Variants in THRB observed in about 807,000 individuals in gnomAD.
The protein encoded by THRB is nuclear receptor subfamily 1 group A member 2.
Under a neutral mutation model 47.8 loss-of-function variants are expected in THRB, and 12 were observed. The ratio of observed to expected loss-of-function variants is 0.25; its 90% CI spans 0.16 to 0.41. The LOEUF (loss-of-function observed/expected upper bound fraction) is 0.41. Among genes scored for constraint, THRB ranks in the 10% least tolerant of loss-of-function variants. THRB has a pLI of 1.00. For synonymous variants in THRB, 218 were observed against 212.2 expected (o/e 1.03, Z -0.24); for missense variants, 348 against 589.2 (o/e 0.59, Z 4.24).
At chr3:24,181,950 C>T (rs1156294578) in intron 5 of THRB, among the ~76,000 whole-genome samples, 5 of 152,052 alleles carry the variant, frequency 3.3e-5, no homozygotes, top group Non-Finnish European at 2.9e-5. Flanking sequence ...GCCTGTAATC[C>T]CAGCACTTTG....
intron 5 of THRB, among the ~76,000 whole-genome samples, chr3:24,180,380 G>A (rs1183165788): frequency 6.6e-6 from 1 of 152,178 alleles, no homozygotes; most frequent in Non-Finnish European, 1.5e-5. Context: ...AATGCCAAGT[G>A]TCTTTATCAT....
intron 2 of THRB, among the ~76,000 whole-genome samples, chr3:24,332,585 G>C (rs1399927635): frequency 3.3e-5 from 5 of 152,066 alleles, no homozygotes; most frequent in Non-Finnish European, 1.5e-5. Context: ...CACTGTGACA[G>C]TGAATTCTTT....
intron 4 of THRB, among the ~76,000 whole-genome samples, chr3:24,224,316 A>G (rs973475216): frequency 2.0e-5 from 3 of 152,240 alleles, no homozygotes; most frequent in South Asian, 2.1e-4. Flanking sequence ...ATCAGGGACT[A>G]TATCACCATA....
chr3:24,224,174 T>G (rs571522239), intron 4 of THRB, among the ~76,000 whole-genome samples: 8 of 150,516 alleles, frequency 5.3e-5, no homozygotes, highest in South Asian at 4.1e-4. Context: ...GTAGAGTTTA[T>G]CCAGAGGGAA....
intron 1 of THRB, among the ~76,000 whole-genome samples, chr3:24,462,638 G>A (rs1179854528): frequency 6.6e-6 from 1 of 152,202 alleles, no homozygotes; most frequent in Non-Finnish European, 1.5e-5. Context: ...TTGGCTCTGT[G>A]TATAAAATGA....
intron 5 of THRB, among the ~76,000 whole-genome samples, chr3:24,174,137 G>A (rs950686133): frequency 7.2e-5 from 11 of 152,078 alleles, no homozygotes; most frequent in African/African-American, 2.4e-4. Context: ...TGTCATCTAC[G>A]TGTTAAGCCG....
chr3:24,403,757 A>C (rs2150107589), intron 1 of THRB, among the ~76,000 whole-genome samples: 1 of 152,126 alleles, frequency 6.6e-6, no homozygotes, highest in South Asian at 2.1e-4. Flanking sequence ...CGAAAGGGCA[A>C]GTATACATAT....
intron 1 of THRB, among the ~76,000 whole-genome samples, chr3:24,480,395 C>A (rs976672766): frequency 6.6e-6 from 1 of 152,194 alleles, no homozygotes. Context: ...GGACCCACTT[C>A]CTTCAGACCA....
chr3:24,222,037 A>C (rs1260718280), intron 4 of THRB, among the ~76,000 whole-genome samples: 5 of 152,174 alleles, frequency 3.3e-5, no homozygotes, highest in African/African-American at 1.2e-4. Context: ...TCTTTGTTTC[A>C]TGAGGAAAAA....
chr3:24,231,704 C>T (rs1008171461), intron 3 of THRB, among the ~76,000 whole-genome samples: 1 of 152,046 alleles, frequency 6.6e-6, no homozygotes, highest in Non-Finnish European at 1.5e-5. Context: ...AGGCAGGTGT[C>T]CCGGGGCCTC....
At chr3:24,324,587 A>G (rs1040431377) in intron 2 of THRB, among the ~76,000 whole-genome samples, 1 of 152,226 alleles carries the variant, frequency 6.6e-6, no homozygotes, top group African/African-American at 2.4e-5. Flanking sequence ...AACTGCATAC[A>G]TATCAACTTT....
chr3:24,253,956 T>G (rs568844655), intron 3 of THRB, among the ~76,000 whole-genome samples: 20 of 151,834 alleles, frequency 1.3e-4, no homozygotes, highest in Non-Finnish European at 2.8e-4. Flanking sequence ...AGAACCATTT[T>G]TTTTTTTTCT....
intron 5 of THRB, among the ~76,000 whole-genome samples, chr3:24,187,384 G>C (rs922189688): frequency 6.6e-6 from 1 of 152,230 alleles, no homozygotes; most frequent in African/African-American, 2.4e-5. Flanking sequence ...CTAGATGACT[G>C]ATCTGGCAGA....
intron 1 of THRB, among the ~76,000 whole-genome samples, chr3:24,364,969 C>A (rs1051086903): frequency 3.3e-5 from 5 of 152,016 alleles, no homozygotes; most frequent in Non-Finnish European, 7.3e-5. Context: ...TATCAGAATG[C>A]CCATTTTCAA....
intron 5 of THRB, among the ~76,000 whole-genome samples, chr3:24,186,528 G>T (rs1444886442): frequency 6.6e-6 from 1 of 152,204 alleles, no homozygotes; most frequent in Non-Finnish European, 1.5e-5. Context: ...ACAGAGATCT[G>T]TTGTGAGATC....
intron 1 of THRB, among the ~76,000 whole-genome samples, chr3:24,459,608 C>T (rs538360324): frequency 1.1e-4 from 17 of 152,322 alleles, no homozygotes; most frequent in African/African-American, 3.6e-4. Flanking sequence ...TCTTTCTCCA[C>T]ATCCTCTCTA....
chr3:24,133,592 T>C (rs1181024393), intron 8 of THRB, 130 bp from the exon 9 acceptor site: 1 of 867,432 alleles, frequency 1.2e-6, no homozygotes, highest in Non-Finnish European at 1.9e-6. Context: ...ACATCATTTG[T>C]TAACAAACTG....
At chr3:24,244,250 T>C (rs1460787004) in intron 3 of THRB, among the ~76,000 whole-genome samples, 1 of 152,208 alleles carries the variant, frequency 6.6e-6, no homozygotes, top group Non-Finnish European at 1.5e-5. Flanking sequence ...AACTTTGTTA[T>C]ATAAATTACA....
chr3:24,252,930 C>A (rs899229843), intron 3 of THRB, among the ~76,000 whole-genome samples: 4 of 151,954 alleles, frequency 2.6e-5, no homozygotes, highest in African/African-American at 9.7e-5. Flanking sequence ...GAGGAGGGGA[C>A]CTGGATGGTT....
Sources: allele counts gnomAD v4.1 joint callset (sites outside exome capture counted in the v4.1 genomes callset), GRCh38; gene constraint gnomAD v4.1.1; transcripts MANE v1.5; gene names NCBI Gene and HGNC (gene_info 2026-07-23, HGNC 2026-07-21).